ACOXL: variants seen among roughly 807,000 people sequenced by gnomAD.
ACOXL encodes acyl-coenzyme A oxidase-like protein.
In ACOXL, 70 loss-of-function variants were observed where a neutral mutation model predicts 71.9. The observed-to-expected ratio is 0.97, with a 90% CI of 0.80 to 1.19. The LOEUF is 1.19. Ranked by LOEUF, ACOXL falls within the 50% of genes most tolerant of loss-of-function variation. ACOXL has a pLI of 0.00. For synonymous variants in ACOXL, 253 were observed against 281.6 expected (o/e 0.90, Z 1.02); for missense variants, 703 against 736.3 (o/e 0.95, Z 0.52).
chr2:110,754,839 A>G (rs1679458344), intron 1 of ACOXL, among the ~76,000 whole-genome samples: 1 of 152,222 alleles, frequency 6.6e-6, no homozygotes, highest in Non-Finnish European at 1.5e-5. Flanking sequence ...AATTTCTCCT[A>G]GGGTGTATAC....
chr2:111,068,715 G>C (rs17483962), intron 16 of ACOXL, among the ~76,000 whole-genome samples: 11,800 of 152,212 alleles, frequency 0.078, 587 homozygotes, highest in Non-Finnish European at 0.11. Flanking sequence ...TCACCGACGG[G>C]TTTCTTTCAC....
At chr2:110,806,278 G>A (rs547335130) in intron 9 of ACOXL, among the ~76,000 whole-genome samples, 2 of 152,330 alleles carry the variant, frequency 1.3e-5, no homozygotes, top group East Asian at 1.9e-4. Context: ...CCATCAACAC[G>A]CGTACGCGGC....
In ACOXL at chr2:110,798,706, A is replaced by T. The variant is rs748517725; in HGVS notation, c.442A>T (p.Ile148Leu). The T allele has an allele frequency of 1.3e-5, 21 of 1,614,030 alleles. No homozygotes were observed. The highest frequency in any genetic ancestry group is 1.8e-5 in the Non-Finnish European group (21 of 1,179,974). ...TGCAGCTGTCTTTGCCCAGCTCATCATAGATGGAAGATCTCAAGGTTTGTT... is the reference window on the plus strand; with the variant it reads ...TGCAGCTGTCTTTGCCCAGCTCATCTTAGATGGAAGATCTCAAGGTTTGTT... ...NYAAVFAQLI[I>L]DGRSQGPHCF... is the part of the protein sequence containing the mutation. Residue 148 changes from isoleucine (I) to leucine (L), a missense_variant, in exon 6 of 18, where the codon ATA becomes TTA. Physicochemically the swap from Ile to Leu is conservative, Grantham distance 5 (BLOSUM62 2). Transcript: ENST00000439055.
chr2:110,833,477 G>C (rs913468743), intron 9 of ACOXL, among the ~76,000 whole-genome samples: 1 of 152,116 alleles, frequency 6.6e-6, no homozygotes, highest in Non-Finnish European at 1.5e-5. Flanking sequence ...GGATGCTTGC[G>C]GGGATGGAGA....
chr2:110,863,053 C>G (rs1694151753), intron 10 of ACOXL, among the ~76,000 whole-genome samples: 1 of 152,170 alleles, frequency 6.6e-6, no homozygotes, highest in South Asian at 2.1e-4. Context: ...CTCTAATTCT[C>G]TCAGAGAAAA....
chr2:110,837,954 G>A (rs780076814), intron 9 of ACOXL, among the ~76,000 whole-genome samples: 1 of 152,136 alleles, frequency 6.6e-6, no homozygotes, highest in Non-Finnish European at 1.5e-5. Context: ...GCCAACCCAC[G>A]GGCCTCCCTC....
At chr2:110,854,317 ATC>A (rs1218754479) in intron 10 of ACOXL, among the ~76,000 whole-genome samples, 4 of 152,184 alleles carry the variant, frequency 2.6e-5, no homozygotes, top group African/African-American at 9.7e-5. Flanking sequence ...CCTCTTTGTG[ATC>A]GTCCAGGCAG....
At chr2:110,889,755 T>G (rs1207398360) in intron 10 of ACOXL, among the ~76,000 whole-genome samples, 1 of 152,206 alleles carries the variant, frequency 6.6e-6, no homozygotes, top group African/African-American at 2.4e-5. Flanking sequence ...TGATGGACAT[T>G]GGGTTGCTTC....
At chr2:110,874,048 G>C (rs1193534894) in intron 10 of ACOXL, among the ~76,000 whole-genome samples, 1 of 152,220 alleles carries the variant, frequency 6.6e-6, no homozygotes, top group Non-Finnish European at 1.5e-5. Context: ...GTGGAAAACA[G>C]AAAACCCACC....
intron 10 of ACOXL, among the ~76,000 whole-genome samples, chr2:110,902,453 G>A (rs1033172047): frequency 3.9e-5 from 6 of 152,236 alleles, no homozygotes; most frequent in Non-Finnish European, 8.8e-5. Flanking sequence ...CTGGGCAACA[G>A]AGTGAGACTC....
chr2:110,987,697 G>A (rs1249467011), intron 13 of ACOXL, among the ~76,000 whole-genome samples: 3 of 152,112 alleles, frequency 2.0e-5, no homozygotes, highest in Non-Finnish European at 4.4e-5. Context: ...GTAACATTTT[G>A]TAACTTTGTT....
intron 16 of ACOXL, among the ~76,000 whole-genome samples, chr2:111,061,438 A>T (rs2066806923): frequency 6.6e-6 from 1 of 152,044 alleles, no homozygotes; most frequent in Non-Finnish European, 1.5e-5. Flanking sequence ...AGGAATTAGG[A>T]GGAAGTCAAG....
At chr2:110,946,321 T>C (rs1162647109) in intron 12 of ACOXL, among the ~76,000 whole-genome samples, 1 of 152,234 alleles carries the variant, frequency 6.6e-6, no homozygotes, top group Non-Finnish European at 1.5e-5. Flanking sequence ...AATTATGTTA[T>C]CTGCAAACAG....
chr2:110,734,827 G>T (rs1465289802), intron 1 of ACOXL, among the ~76,000 whole-genome samples: 1 of 152,044 alleles, frequency 6.6e-6, no homozygotes, highest in Non-Finnish European at 1.5e-5. Flanking sequence ...GCCTGGATAA[G>T]GGGTCCAGTG....
chr2:110,994,668 T>C (rs770978979), intron 13 of ACOXL, among the ~76,000 whole-genome samples: 1 of 152,164 alleles, frequency 6.6e-6, no homozygotes, highest in Non-Finnish European at 1.5e-5. Context: ...GAGCTTTTAA[T>C]TGTGAACTTG....
At chr2:110,784,029 A>C (rs1683648628) in intron 2 of ACOXL, among the ~76,000 whole-genome samples, 1 of 152,234 alleles carries the variant, frequency 6.6e-6, no homozygotes, top group Non-Finnish European at 1.5e-5. Context: ...TTTTTAAATC[A>C]TCAAAGCCTT....
At chr2:110,910,199 G>C (rs2059601883) in intron 11 of ACOXL, among the ~76,000 whole-genome samples, 1 of 152,130 alleles carries the variant, frequency 6.6e-6, no homozygotes, top group Admixed American at 6.5e-5. Context: ...CAATAGCTTA[G>C]TTTTGCCTGT....
At position 110,933,543 on chromosome 2, in the gene ACOXL, C is replaced by T. The variant is rs768358626; in HGVS notation, c.960C>T (p.Asn320=). 6.2e-6 allele frequency: 10 copies of T among 1,614,220 alleles called. No individual in the cohort carries two copies. Among genetic ancestry groups the T allele is most frequent in the Non-Finnish European group, 7.6e-6 (9 of 1,180,036 alleles). The part of the protein sequence containing the change: ...EDVFQGKELV[N]SRSLQALVAG... The stretch of plus-strand genomic sequence containing the variant: ...TCTTCCAGGGAAAGGAGCTGGTCAA[C>T]AGTCGCTCGCTGCAGGCTCTGGTGG... Residue 320 remains asparagine, a synonymous_variant, in exon 12 of 18, where the codon AAC becomes AAT. Coordinates refer to ENST00000439055, the MANE Select transcript of ACOXL (RefSeq NM_001142807.4).
At chr2:111,022,783 T>C (rs775555757) in intron 14 of ACOXL, among the ~76,000 whole-genome samples, 5 of 152,032 alleles carry the variant, frequency 3.3e-5, no homozygotes, top group Non-Finnish European at 7.4e-5. Context: ...CAGGTACCAC[T>C]GTGTTGGAGG....
Sources: gnomAD v4.1 joint callset for allele counts (sites outside exome capture counted in the v4.1 genomes callset) on GRCh38, gnomAD v4.1.1 for gene constraint, MANE v1.5 for transcripts, NCBI Gene and HGNC (gene_info 2026-07-23, HGNC 2026-07-21) for gene names.